CCND3: variants seen among roughly 807,000 people sequenced by gnomAD.
CCND3 encodes G1/S-specific cyclin-D3.
Under a neutral mutation model 28.7 loss-of-function variants are expected in CCND3, and 9 were observed. The observed-to-expected ratio is 0.31, with a 90% CI of 0.19 to 0.55. The LOEUF (loss-of-function observed/expected upper bound fraction) is 0.55. Among genes scored for constraint, CCND3 ranks in the 20% least tolerant of loss-of-function variants. The pLI is 0.93. For missense variants in CCND3, 315 were observed against 385.8 expected, an observed-to-expected ratio of 0.82 and a Z score of 1.54; for synonymous variants, 164 against 163.9, an observed-to-expected ratio of 1.00 and a Z score of 0.00.
chr6:42,039,186 T>C, intron 1 of CCND3, among the ~76,000 whole-genome samples: 1 of 152,222 alleles, frequency 6.6e-6, no homozygotes, highest in East Asian at 1.9e-4. Context: ...CCAAATCATG[T>C]ATCCTGTGTT....
At chr6:42,002,797 T>A (rs534703947) in intron 1 of CCND3, among the ~76,000 whole-genome samples, 1 of 151,690 alleles carries the variant, frequency 6.6e-6, no homozygotes, top group East Asian at 1.9e-4. Flanking sequence ...GAGCTTGCAG[T>A]GAGCCAAGGT....
At position 42,048,911 on chromosome 6, in the gene CCND3, A is replaced by G. The variant is rs1364779916; in HGVS notation, c.-456T>C. Reference sequence around the variant, plus strand: ...GGCATAGGTGCGGGGGCGGGGCGCCACGGAGGCTCAGGTGTGGGCGGCGGG... The same window carrying G: ...GGCATAGGTGCGGGGGCGGGGCGCCGCGGAGGCTCAGGTGTGGGCGGCGGG... On this transcript the variant is annotated 5_prime_UTR_variant, in exon 1 of 5. Coordinates refer to the CCND3 transcript ENST00000372988. This position sits in a 1 kb window ranked among gnomAD's most constrained non-coding sequence, Gnocchi z 4.7. The G allele has an allele frequency of 3.9e-6, 1 of 258,884 alleles. No individual in the cohort carries two copies. Among genetic ancestry groups the G allele is most frequent in the East Asian group, 1.8e-4 (1 of 5,608 alleles). The allele number at this position is 258,884 out of a possible 1,614,324, so 16.0% of individuals were successfully genotyped here. A position where few individuals can be genotyped will look rare whatever the true frequency, so the allele number is the denominator to read the frequency against.
At chr6:42,017,193 G>A (rs1366309744) in intron 1 of CCND3, among the ~76,000 whole-genome samples, 3 of 152,156 alleles carry the variant, frequency 2.0e-5, no homozygotes, top group African/African-American at 7.2e-5. Flanking sequence ...CAGTACTCCC[G>A]CCTGCAGTGC....
rs1035524154 is a variant in CCND3, at chr6:41,940,676, A to G, written c.199-91T>C. The G allele has an allele frequency of 5.6e-5, 52 of 924,308 alleles. No homozygotes were observed. In the Middle Eastern group the frequency reaches 8.5e-4, roughly 15 times the overall value. The allele number at this position is 924,308 out of a possible 1,614,324, so 57.3% of individuals were successfully genotyped here. A position where few individuals can be genotyped will look rare whatever the true frequency, so the allele number is the denominator to read the frequency against. On this transcript the variant is annotated intron_variant, in intron 1 of 4. Coordinates refer to ENST00000372991, the MANE Select transcript of CCND3 (RefSeq NM_001760.5). The stretch of plus-strand genomic sequence containing the variant: ...AGCGCTGAAGTGAGGTGGGATAGGG[A>G]GCAAAAACGGCAGAGAGGGTAAGCT...
chr6:42,047,830 C>A (rs186046856), intron 1 of CCND3, among the ~76,000 whole-genome samples: 1 of 152,310 alleles, frequency 6.6e-6, no homozygotes, highest in Admixed American at 6.5e-5. Context: ...ATGTCCTTTT[C>A]TCTCTGAAGC....
chr6:41,996,632 C>A (rs1762815243), intron 1 of CCND3, among the ~76,000 whole-genome samples: 1 of 150,882 alleles, frequency 6.6e-6, no homozygotes, highest in Non-Finnish European at 1.5e-5. Context: ...GTGTAGTTAA[C>A]ATTTCCCTCA....
intron 1 of CCND3, among the ~76,000 whole-genome samples, chr6:42,019,205 A>C (rs941880325): frequency 4.6e-5 from 7 of 152,058 alleles, no homozygotes; most frequent in Admixed American, 4.6e-4. Context: ...AAGGAAATGT[A>C]GGCCTGGAGC....
At chr6:42,030,770 TGTCCTGA>T (rs1385597501) in intron 1 of CCND3, among the ~76,000 whole-genome samples, 1 of 152,170 alleles carries the variant, frequency 6.6e-6, no homozygotes, top group Admixed American at 6.5e-5. Context: ...TCCGGCCACC[TGTCCTGA>T]GTACTCACTC....
At chr6:42,037,076 C>G (rs1764240898) in intron 1 of CCND3, among the ~76,000 whole-genome samples, 1 of 151,954 alleles carries the variant, frequency 6.6e-6, no homozygotes, top group Admixed American at 6.6e-5. Flanking sequence ...GTAGCTGGGA[C>G]TAAAGGTGCC....
At chr6:41,944,674 A>G (rs1424440977), upstream of CCND3, among the ~76,000 whole-genome samples, 1 of 152,134 alleles carries the variant, frequency 6.6e-6, no homozygotes, top group Non-Finnish European at 1.5e-5. Context: ...TGCCTGCCTC[A>G]GCTTCCTAAA....
chr6:41,977,283 A>G (rs575551877), intron 1 of CCND3, among the ~76,000 whole-genome samples: 156 of 152,344 alleles, frequency 1.0e-3, no homozygotes, highest in South Asian at 2.3e-3. Flanking sequence ...GAAAAAACCC[A>G]TAGTCTATAT....
At chr6:42,033,021 A>G (rs984969051) in intron 1 of CCND3, among the ~76,000 whole-genome samples, 3 of 152,224 alleles carry the variant, frequency 2.0e-5, no homozygotes, top group African/African-American at 7.2e-5. Context: ...TTAAATGGCA[A>G]GTCGTTTTAC....
chr6:42,031,832 T>C (rs952013245), intron 1 of CCND3, among the ~76,000 whole-genome samples: 39 of 148,810 alleles, frequency 2.6e-4, no homozygotes, highest in Non-Finnish European at 5.0e-4. Context: ...TTTTTTTTTT[T>C]GAGACAGAGT....
At chr6:41,963,096 C>T (rs1440047939) in intron 1 of CCND3, among the ~76,000 whole-genome samples, 1 of 152,298 alleles carries the variant, frequency 6.6e-6, no homozygotes, top group East Asian at 1.9e-4. Context: ...CTAAATTCTC[C>T]GTCCAGCCTT....
In CCND3 at chr6:41,939,149, C is replaced by T. The variant is rs921762078; in HGVS notation, c.414+1221G>A. On this transcript the variant is annotated intron_variant, in intron 2 of 4. Transcript: ENST00000372991. This position sits in a 1 kb window ranked among gnomAD's most constrained non-coding sequence, Gnocchi z 4.2. Reference sequence around the variant, plus strand: ...TTCATCACAAAGAGCTGTGGCGCCTCCTGGATTCCCAACTCTGGCCTCCTA... The same window carrying T: ...TTCATCACAAAGAGCTGTGGCGCCTTCTGGATTCCCAACTCTGGCCTCCTA... 2.6e-5 allele frequency among the ~76,000 whole-genome samples: 4 copies of T among 152,160 alleles called. No homozygotes were observed. The highest frequency in any genetic ancestry group is 7.2e-5 in the African/African-American group (3 of 41,430).
At chr6:41,978,917 C>A (rs1398518497) in intron 1 of CCND3, among the ~76,000 whole-genome samples, 1 of 152,100 alleles carries the variant, frequency 6.6e-6, no homozygotes. Flanking sequence ...GTGGCTCACG[C>A]CTTTAATCCC....
chr6:42,024,317 G>A (rs1763801833), intron 1 of CCND3, among the ~76,000 whole-genome samples: 1 of 151,760 alleles, frequency 6.6e-6, no homozygotes, highest in South Asian at 2.1e-4. Context: ...GCAGGAGAAT[G>A]GCATGAACCC....
intron 1 of CCND3, among the ~76,000 whole-genome samples, chr6:41,970,924 T>A (rs529330130): frequency 2.0e-5 from 3 of 152,132 alleles, no homozygotes; most frequent in African/African-American, 7.2e-5. Flanking sequence ...TTCTTTTTTT[T>A]TTCCCCCCCT....
Position 41,939,499 on chromosome 6 carries a change from G to A in CCND3, c.414+871C>T, listed in dbSNP as rs1348845611. ...GCTCCTTCTGAGGCGGGACAGAACCGGTGACTTTCCTGCCCGGCCTGAGCC... is the reference window on the plus strand; with the variant it reads ...GCTCCTTCTGAGGCGGGACAGAACCAGTGACTTTCCTGCCCGGCCTGAGCC... On this transcript the variant is annotated intron_variant, in intron 2 of 4. Transcript: ENST00000372991. The surrounding 1 kb of genome is among the most constrained non-coding windows in gnomAD (Gnocchi z 4.2). 6.6e-6 allele frequency among the ~76,000 whole-genome samples: 1 copy of A among 152,148 alleles called. No individual in the cohort carries two copies. The highest frequency in any genetic ancestry group is 1.5e-5 in the Non-Finnish European group (1 of 68,024).
Sources: allele counts gnomAD v4.1 joint callset (sites outside exome capture counted in the v4.1 genomes callset), GRCh38; gene constraint gnomAD v4.1.1; non-coding constraint Gnocchi (gnomAD v3.1); transcripts MANE v1.5; gene names NCBI Gene and HGNC (gene_info 2026-07-23, HGNC 2026-07-21).